Variants in EPHB1 observed in about 807,000 individuals in gnomAD.
EPHB1 encodes the protein EPH receptor B1.
A neutral mutation model predicts 94.4 loss-of-function variants in EPHB1; 30 were observed. The ratio of observed to expected loss-of-function variants is 0.32; its 90% CI spans 0.24 to 0.43. EPHB1 has a LOEUF of 0.43. Ranked by LOEUF, EPHB1 falls within the 20% of genes least tolerant of loss-of-function variation. The probability of loss-of-function intolerance (pLI) is 1.00; values close to 1 mark genes in which losing one functional copy is unlikely to be tolerated. For synonymous variants in EPHB1, 522 were observed against 489.1 expected, an observed-to-expected ratio of 1.07 and a Z score of -0.89; for missense variants, 1,055 against 1,308.3, an observed-to-expected ratio of 0.81 and a Z score of 2.99.
At chr3:135,057,985 C>T (rs1020750586) in intron 3 of EPHB1, among the ~76,000 whole-genome samples, 6 of 152,204 alleles carry the variant, frequency 3.9e-5, no homozygotes, top group African/African-American at 1.4e-4. Flanking sequence ...GATACTGAAA[C>T]ATTGGGATTT....
chr3:134,809,423 A>C (rs2108285365), intron 1 of EPHB1, among the ~76,000 whole-genome samples: 1 of 151,566 alleles, frequency 6.6e-6, no homozygotes, highest in South Asian at 2.1e-4. Flanking sequence ...CTGCATGAAA[A>C]CCCGTGGCTT....
intron 3 of EPHB1, among the ~76,000 whole-genome samples, chr3:135,092,449 G>C (rs763596551): frequency 6.6e-6 from 1 of 152,102 alleles, no homozygotes; most frequent in Non-Finnish European, 1.5e-5. Flanking sequence ...TAAAGCACAG[G>C]TTCCTCCCCG....
chr3:135,086,433 G>A (rs533473196), intron 3 of EPHB1, among the ~76,000 whole-genome samples: 112 of 151,580 alleles, frequency 7.4e-4, no homozygotes, highest in African/African-American at 2.6e-3. Flanking sequence ...CAGCTTATTT[G>A]GAACACTCAG....
At chr3:134,879,176 A>G (rs1367204771) in intron 1 of EPHB1, among the ~76,000 whole-genome samples, 2 of 152,306 alleles carry the variant, frequency 1.3e-5, no homozygotes, top group African/African-American at 2.4e-5. Flanking sequence ...ATGGAGTGGC[A>G]TATCCAAGGT....
intron 12 of EPHB1, among the ~76,000 whole-genome samples, chr3:135,206,205 T>G (rs1191795285): frequency 6.6e-6 from 1 of 152,134 alleles, no homozygotes; most frequent in African/African-American, 2.4e-5. Flanking sequence ...AGCAGGAGTT[T>G]GTTCCTTTTA....
At chr3:134,903,075 T>C (rs2038235988) in intron 1 of EPHB1, among the ~76,000 whole-genome samples, 1 of 152,190 alleles carries the variant, frequency 6.6e-6, no homozygotes, top group Non-Finnish European at 1.5e-5. Context: ...ATGGCCCAAG[T>C]TGAGGGTACT....
chr3:134,942,728 A>C (rs1354576470), intron 2 of EPHB1, among the ~76,000 whole-genome samples: 2 of 152,220 alleles, frequency 1.3e-5, no homozygotes, highest in African/African-American at 2.4e-5. Flanking sequence ...TGAGATGAAA[A>C]TGGAGTGGAT....
chr3:134,825,582 C>A (rs1298502983), intron 1 of EPHB1, among the ~76,000 whole-genome samples: 1 of 152,180 alleles, frequency 6.6e-6, no homozygotes, highest in Non-Finnish European at 1.5e-5. Flanking sequence ...GCCTGCAGTT[C>A]TCCATATGGT....
At chr3:134,828,101 A>G (rs192034785) in intron 1 of EPHB1, among the ~76,000 whole-genome samples, 1 of 152,074 alleles carries the variant, frequency 6.6e-6, no homozygotes, top group Non-Finnish European at 1.5e-5. Context: ...CTTCTGTGCT[A>G]TGGACTCCTG....
rs150780548 is a variant in EPHB1, at chr3:135,212,960, A to G, written c.2346+11271A>G. 3.4e-3 allele frequency among the ~76,000 whole-genome samples: 522 copies of G among 152,116 alleles called. 9 individuals carry two copies. Among genetic ancestry groups the G allele is most frequent in the African/African-American group, 0.012 (498 of 41,498 alleles). ...GCAGTTCTATAAGACAGTACTTAAG[A>G]CCTCTCTACTCCATCTTAATTCCCC... On this transcript the variant is annotated intron_variant, in intron 12 of 15. Coordinates refer to ENST00000398015, the MANE Select transcript of EPHB1 (RefSeq NM_004441.5).
Position 135,178,420 on chromosome 3 carries a change from C to T in EPHB1, c.1760-1440C>T, listed in dbSNP as rs539088328. ...GCAGTGAGCCGAGATCACACCACAC[C>T]ACTGCACTCCAGCCTGGGCAACAGA... On this transcript the variant is annotated intron_variant, in intron 9 of 15. Transcript: ENST00000398015. 1.6e-4 allele frequency among the ~76,000 whole-genome samples: 24 copies of T among 149,214 alleles called. No homozygotes were observed. The East Asian group carries it at 4.2e-3, about 26-fold the overall frequency.
At chr3:135,022,216 T>G (rs36052) in intron 3 of EPHB1, among the ~76,000 whole-genome samples, 2 of 152,002 alleles carry the variant, frequency 1.3e-5, no homozygotes, top group Non-Finnish European at 2.9e-5. Flanking sequence ...GTGATCCCCC[T>G]GCCTCGGCCT....
intron 3 of EPHB1, among the ~76,000 whole-genome samples, chr3:134,975,594 G>A (rs11720684): frequency 0.3 from 45,047 of 151,924 alleles, 7,131 homozygotes; most frequent in Middle Eastern, 0.47. Context: ...GCCTGGTCCT[G>A]TACTGAGGGC....
At chr3:135,115,922 A>T (rs1939681548) in intron 4 of EPHB1, among the ~76,000 whole-genome samples, 1 of 152,216 alleles carries the variant, frequency 6.6e-6, no homozygotes, top group South Asian at 2.1e-4. Flanking sequence ...GCAATTAAAA[A>T]TAAGAAAACA....
Position 135,075,463 on chromosome 3 carries a change from G to A in EPHB1, c.806-30985G>A, listed in dbSNP as rs577594711. Among the ~76,000 whole-genome samples the A allele has an allele frequency of 5.9e-5, 9 of 152,246 alleles. No individual in the cohort carries two copies. In the East Asian group the frequency reaches 1.4e-3, roughly 23 times the overall value. On this transcript the variant is annotated intron_variant, in intron 3 of 15. Coordinates refer to ENST00000398015, the MANE Select transcript of EPHB1 (RefSeq NM_004441.5). Reference sequence around the variant, plus strand: ...CCGTCTGTTTCATCATGCAACCCAAGCACCCAGGTAGAAGGCCTTTTGACC... The same window carrying A: ...CCGTCTGTTTCATCATGCAACCCAAACACCCAGGTAGAAGGCCTTTTGACC...
chr3:135,252,621 G>C (rs957718768), intron 15 of EPHB1, among the ~76,000 whole-genome samples: 3 of 144,934 alleles, frequency 2.1e-5, no homozygotes, highest in African/African-American at 7.5e-5. Context: ...ATCATTGTTG[G>C]ACATGTGGGT....
chr3:134,891,433 T>C lies in EPHB1; in HGVS notation c.59-34383T>C, dbSNP rs190337875. Reference sequence around the variant, plus strand: ...CCTATTCCTAATTTTTCCAGGAAAATTTCTGATGTTTTTCATTAAGCATTT... The same window carrying C: ...CCTATTCCTAATTTTTCCAGGAAAACTTCTGATGTTTTTCATTAAGCATTT... On this transcript the variant is annotated intron_variant, in intron 1 of 15. Transcript: ENST00000398015. Among the ~76,000 whole-genome samples, 14 of 152,274 alleles carry C rather than the reference T, an allele frequency of 9.2e-5. No individual in the cohort carries two copies. In the East Asian group the frequency reaches 2.7e-3, roughly 29 times the overall value.
At chr3:134,946,173 C>T (rs373560792) in intron 2 of EPHB1, among the ~76,000 whole-genome samples, 1 of 152,212 alleles carries the variant, frequency 6.6e-6, no homozygotes, top group African/African-American at 2.4e-5. Flanking sequence ...ACAATGAACT[C>T]CAGTTGTCCT....
intron 12 of EPHB1, among the ~76,000 whole-genome samples, chr3:135,239,226 C>T (rs920231921): frequency 1.3e-5 from 2 of 152,050 alleles, no homozygotes; most frequent in Non-Finnish European, 2.9e-5. Flanking sequence ...GCCTGGTTGC[C>T]TTTATTCCTC....
Sources: gnomAD v4.1 joint callset for allele counts (sites outside exome capture counted in the v4.1 genomes callset) on GRCh38, gnomAD v4.1.1 for gene constraint, MANE v1.5 for transcripts, NCBI Gene and HGNC (gene_info 2026-07-23, HGNC 2026-07-21) for gene names.